Variants in MACROD2 observed in about 807,000 individuals in gnomAD.
The protein encoded by MACROD2 is ADP-ribose glycohydrolase MACROD2.
Under a neutral mutation model 70.4 loss-of-function variants are expected in MACROD2, and 36 were observed. That is an observed-to-expected ratio of 0.51 (90% CI 0.39 to 0.68). MACROD2 has a LOEUF of 0.68. MACROD2 is among the 30% of genes least tolerant of loss of function. The pLI is 0.00. For missense variants in MACROD2, 496 were observed against 538.4 expected (o/e 0.92, Z 0.78); for synonymous variants, 172 against 178.8 (o/e 0.96, Z 0.30).
chr20:15,865,380 T>A (rs1329815545), intron 9 of MACROD2, among the ~76,000 whole-genome samples: 1 of 147,036 alleles, frequency 6.8e-6, no homozygotes, highest in African/African-American at 2.5e-5. Context: ...ATTAATATAT[T>A]TAATAACATA....
intron 3 of MACROD2, among the ~76,000 whole-genome samples, chr20:14,256,647 C>A (rs1221577326): frequency 6.6e-6 from 1 of 152,104 alleles, no homozygotes; most frequent in East Asian, 1.9e-4. Context: ...TATTTAAGAC[C>A]TTGCACTCTT....
intron 8 of MACROD2, among the ~76,000 whole-genome samples, chr20:15,545,980 C>A (rs768824456): frequency 2.0e-5 from 3 of 152,284 alleles, no homozygotes; most frequent in African/African-American, 7.2e-5. Context: ...GACAGCTGGG[C>A]ACGATGGCTC....
At chr20:15,588,052 T>A (rs1329460461) in intron 8 of MACROD2, among the ~76,000 whole-genome samples, 1 of 152,230 alleles carries the variant, frequency 6.6e-6, no homozygotes, top group Non-Finnish European at 1.5e-5. Context: ...GCCCTGCTCC[T>A]GCAGCAAACT....
Position 15,967,577 on chromosome 20 carries a change from CA to C in MACROD2, c.936del (p.Gly313AlafsTer4), listed in dbSNP as rs1385377361. The C allele has an allele frequency of 6.3e-7, 1 of 1,596,522 alleles. No individual in the cohort carries two copies. ...GATTTTGCAAAGGATGAAAATATTA[CA>C]AAAGGCGGTGAAGTGACAGATCATT... ...DEDFAKDENI[T>X]KGGEVTDHSV... On this transcript the variant is annotated frameshift_variant, in exon 13 of 18. Coordinates refer to ENST00000684519, the MANE Select transcript of MACROD2 (RefSeq NM_001351661.2). LOFTEE classifies it high-confidence loss of function.
intron 6 of MACROD2, among the ~76,000 whole-genome samples, chr20:15,395,098 C>A (rs574140731): frequency 6.6e-6 from 1 of 152,198 alleles, no homozygotes; most frequent in South Asian, 2.1e-4. Context: ...GAAAGATATT[C>A]TCTTTACTCT....
chr20:15,596,239 C>G (rs1311519918), intron 8 of MACROD2, among the ~76,000 whole-genome samples: 1 of 152,148 alleles, frequency 6.6e-6, no homozygotes. Context: ...TGTTGATGGC[C>G]AGACCCAAGC....
chr20:15,699,651 T>G (rs1377904540), intron 8 of MACROD2, among the ~76,000 whole-genome samples: 1 of 152,140 alleles, frequency 6.6e-6, no homozygotes, highest in Middle Eastern at 3.2e-3. Flanking sequence ...GAGACGGGCC[T>G]GAAAACTTGC....
chr20:14,557,778 A>G (rs1979138011), intron 4 of MACROD2, among the ~76,000 whole-genome samples: 1 of 151,848 alleles, frequency 6.6e-6, no homozygotes, highest in South Asian at 2.1e-4. Flanking sequence ...TGCTGGTGGG[A>G]TTGTAAGATG....
intron 8 of MACROD2, among the ~76,000 whole-genome samples, chr20:15,559,405 G>A (rs896932356): frequency 5.9e-5 from 9 of 152,154 alleles, no homozygotes; most frequent in African/African-American, 2.2e-4. Flanking sequence ...TGTTAGTTGA[G>A]TAAAATAGAA....
At chr20:14,548,931 C>T (rs1600372711) in intron 4 of MACROD2, among the ~76,000 whole-genome samples, 1 of 152,182 alleles carries the variant, frequency 6.6e-6, no homozygotes, top group African/African-American at 2.4e-5. Flanking sequence ...GCACGTGCCT[C>T]GGAGCTATCC....
chr20:14,084,043 C>T (rs1601201818), intron 2 of MACROD2, among the ~76,000 whole-genome samples: 2 of 107,108 alleles, frequency 1.9e-5, no homozygotes, highest in African/African-American at 7.3e-5. Flanking sequence ...GCCTGGGCGT[C>T]AGAGCGAGAC....
At chr20:15,793,032 A>G (rs993961148) in intron 8 of MACROD2, among the ~76,000 whole-genome samples, 5 of 152,200 alleles carry the variant, frequency 3.3e-5, no homozygotes, top group Non-Finnish European at 5.9e-5. Flanking sequence ...AAGTGCAGAT[A>G]TGAAAACACC....
At chr20:14,261,705 T>C (rs763709786) in intron 3 of MACROD2, among the ~76,000 whole-genome samples, 9 of 148,274 alleles carry the variant, frequency 6.1e-5, no homozygotes, top group Non-Finnish European at 1.2e-4. Context: ...ATTTATTTAA[T>C]TTATTGAATG....
chr20:15,454,471 A>C (rs1316507872), intron 7 of MACROD2, among the ~76,000 whole-genome samples: 2 of 150,092 alleles, frequency 1.3e-5, no homozygotes, highest in African/African-American at 5.0e-5. Flanking sequence ...TATACAACTT[A>C]GTTTCCGGAC....
chr20:16,010,650 T>C (rs995422918), intron 15 of MACROD2, among the ~76,000 whole-genome samples: 1 of 152,148 alleles, frequency 6.6e-6, no homozygotes, highest in African/African-American at 2.4e-5. Context: ...CTCCAAGGTG[T>C]GGTGTGCTGA....
intron 5 of MACROD2, among the ~76,000 whole-genome samples, chr20:15,198,200 C>A (rs1176974555): frequency 6.6e-6 from 1 of 152,042 alleles, no homozygotes; most frequent in African/African-American, 2.4e-5. Context: ...ACCTCGTGAT[C>A]CACCCGCCTC....
intron 5 of MACROD2, among the ~76,000 whole-genome samples, chr20:15,127,574 A>G (rs1423912958): frequency 6.6e-6 from 1 of 152,030 alleles, no homozygotes; most frequent in African/African-American, 2.4e-5. Context: ...CTCTATTTCA[A>G]GGCTTACTGA....
chr20:15,557,230 T>A (rs1243794688), intron 8 of MACROD2, among the ~76,000 whole-genome samples: 6 of 149,866 alleles, frequency 4.0e-5, no homozygotes, highest in Non-Finnish European at 5.9e-5. Flanking sequence ...AAAAAAAAAA[T>A]GTTTTCCTTA....
At chr20:14,687,977 G>A (rs758197751) in intron 5 of MACROD2, among the ~76,000 whole-genome samples, 12 of 152,100 alleles carry the variant, frequency 7.9e-5, no homozygotes, top group Non-Finnish European at 1.8e-4. Context: ...CATTGTGTGT[G>A]TTCATTTTCC....
Sources: gnomAD v4.1 joint callset for allele counts (sites outside exome capture counted in the v4.1 genomes callset) on GRCh38, gnomAD v4.1.1 for gene constraint, MANE v1.5 for transcripts, NCBI Gene and HGNC (gene_info 2026-07-23, HGNC 2026-07-21) for gene names.